Variants in FGD4 observed in about 807,000 individuals in gnomAD.
FGD4 encodes the protein FYVE, RhoGEF and PH domain-containing protein 4.
A neutral mutation model predicts 102.0 loss-of-function variants in FGD4; 42 were observed. The ratio of observed to expected loss-of-function variants is 0.41; its 90% CI spans 0.32 to 0.53. The LOEUF is 0.53. FGD4 is among the 20% of genes least tolerant of loss of function. The pLI is 0.21. For synonymous variants in FGD4, 380 were observed against 375.7 expected, an observed-to-expected ratio of 1.01 and a Z score of -0.13; for missense variants, 902 against 1,078.2, an observed-to-expected ratio of 0.84 and a Z score of 2.29.
chr12:32,470,737 A>T (rs1943395921), intron 1 of FGD4, among the ~76,000 whole-genome samples: 1 of 152,130 alleles, frequency 6.6e-6, no homozygotes, highest in Admixed American at 6.5e-5. Context: ...TACAGGCGTG[A>T]GCCGCTGCGC....
intron 2 of FGD4, chr12:32,574,602 A>G (rs1945982580): frequency 6.6e-6 from 1 of 152,196 alleles, no homozygotes; most frequent in African/African-American, 2.4e-5. Flanking sequence ...CCATTTTTAA[A>G]TTGAGATTTT....
At chr12:32,417,058 G>A (rs1308985807) in intron 1 of FGD4, among the ~76,000 whole-genome samples, 1 of 151,900 alleles carries the variant, frequency 6.6e-6, no homozygotes, top group Non-Finnish European at 1.5e-5. Flanking sequence ...CACCACGTCT[G>A]CTAATTTTTG....
At chr12:32,587,374 GTATTTATTTATT>G (rs149737397) in intron 4 of FGD4, among the ~76,000 whole-genome samples, 1 of 150,468 alleles carries the variant, frequency 6.6e-6, no homozygotes, top group East Asian at 2.0e-4. Context: ...TTTTTATTCT[GTATTTATTTATT>G]TATTTATTTA....
chr12:32,601,126 T>G, intron 5 of FGD4, 152 bp from the exon 6 acceptor site: 1 of 716,080 alleles, frequency 1.4e-6, no homozygotes, highest in Non-Finnish European at 2.3e-6. Context: ...TCAAAGCATA[T>G]ACTCACTCCT....
intron 1 of FGD4, among the ~76,000 whole-genome samples, chr12:32,453,702 CT>C (rs1942873125): frequency 6.6e-6 from 1 of 152,130 alleles, no homozygotes; most frequent in Non-Finnish European, 1.5e-5. Flanking sequence ...CTTTCAAAAA[CT>C]TTTTTCTATA....
chr12:32,468,371 T>A (rs764812375), intron 1 of FGD4, among the ~76,000 whole-genome samples: 4 of 152,132 alleles, frequency 2.6e-5, no homozygotes, highest in African/African-American at 7.2e-5. Context: ...GTTCATTAAT[T>A]AAAAATAGCT....
intron 4 of FGD4, among the ~76,000 whole-genome samples, chr12:32,594,016 G>A (rs1352127292): frequency 6.6e-6 from 1 of 152,160 alleles, no homozygotes; most frequent in African/African-American, 2.4e-5. Flanking sequence ...GAGCATAGAG[G>A]GGGTTGATTA....
At chr12:32,437,348 A>G (rs1031993873) in intron 1 of FGD4, among the ~76,000 whole-genome samples, 12 of 152,210 alleles carry the variant, frequency 7.9e-5, no homozygotes, top group African/African-American at 2.9e-4. Context: ...TGGGACACCC[A>G]TAAAAGAAAG....
At chr12:32,461,939 C>T (rs1943115572) in intron 1 of FGD4, among the ~76,000 whole-genome samples, 1 of 152,012 alleles carries the variant, frequency 6.6e-6, no homozygotes, top group Admixed American at 6.6e-5. Flanking sequence ...CTTGGCCATG[C>T]TGGTCTTGAA....
chr12:32,608,827 A>G (rs537955722), intron 8 of FGD4, among the ~76,000 whole-genome samples: 5 of 152,318 alleles, frequency 3.3e-5, no homozygotes, highest in Admixed American at 3.3e-4. Flanking sequence ...GTTTTCTGTC[A>G]TAAGTGAACC....
At chr12:32,533,237 A>G (rs1021115959) in intron 1 of FGD4, among the ~76,000 whole-genome samples, 2 of 152,150 alleles carry the variant, frequency 1.3e-5, no homozygotes, top group Admixed American at 1.3e-4. Context: ...TGACTTTGAT[A>G]GGGCACTCAG....
chr12:32,564,912 G>T (rs1055654339), intron 2 of FGD4, among the ~76,000 whole-genome samples: 57 of 152,150 alleles, frequency 3.7e-4, no homozygotes, highest in African/African-American at 1.3e-3. Context: ...GAGAAGCACA[G>T]AATTATAGTT....
chr12:32,562,481 A>C (rs1944697146), intron 1 of FGD4, among the ~76,000 whole-genome samples: 1 of 152,160 alleles, frequency 6.6e-6, no homozygotes, highest in African/African-American at 2.4e-5. Flanking sequence ...GCAGGGTCAT[A>C]GGACAATAGT....
At position 32,600,378 on chromosome 12, in the gene FGD4, G is replaced by T. The variant is rs912033611; in HGVS notation, c.1102-900G>T. ...TAACCTAACTATTGGAGCCTCTAAGGACATAATTTTTTGTTCTTTTTGCCT... is the reference window on the plus strand; with the variant it reads ...TAACCTAACTATTGGAGCCTCTAAGTACATAATTTTTTGTTCTTTTTGCCT... On this transcript the variant is annotated intron_variant, in intron 5 of 16. Coordinates refer to ENST00000534526, the MANE Select transcript of FGD4 (RefSeq NM_001370298.3). 9 of 1,035,188 alleles carry T rather than the reference G, an allele frequency of 8.7e-6. No homozygotes were observed. The African/African-American group carries it at 1.2e-4, about 13-fold the overall frequency. The allele number at this position is 1,035,188 out of a possible 1,614,324, so 64.1% of individuals were successfully genotyped here.
At chr12:32,437,556 G>A (rs1942276271) in intron 1 of FGD4, among the ~76,000 whole-genome samples, 1 of 152,194 alleles carries the variant, frequency 6.6e-6, no homozygotes, top group Admixed American at 6.5e-5. Flanking sequence ...ACGGATATCC[G>A]TGGTATTCAT....
Position 32,582,435 on chromosome 12 carries a change from C to A in FGD4, c.979C>A (p.Leu327Met). ...ERENGESPLE[L>M]EQLDQHHEMK... ...GGAAAATGGGGAAAGCCCTCTGGAA[C>A]TGGAGCAGCTGGACCAGCACCATGA... Residue 327 changes from leucine to methionine, a missense_variant, in exon 4 of 17, where the codon CTG (leucine) becomes ATG (methionine). Physicochemically the swap from Leu to Met is conservative, Grantham distance 15 (BLOSUM62 2). This residue lies in a region of FGD4 where 443 missense variants were observed against 459.2 expected (regional missense o/e 0.96). Coordinates refer to ENST00000534526, the MANE Select transcript of FGD4 (RefSeq NM_001370298.3). 6.2e-7 allele frequency: 1 copy of A among 1,612,212 alleles called. No homozygotes were observed. Among genetic ancestry groups the A allele is most frequent in the Non-Finnish European group, 8.5e-7 (1 of 1,180,012 alleles).
Position 32,409,434 on chromosome 12 carries a change from G to A in FGD4, c.166+9475G>A, listed in dbSNP as rs543273804. On this transcript the variant is annotated intron_variant, in intron 1 of 16. Coordinates refer to ENST00000534526, the MANE Select transcript of FGD4 (RefSeq NM_001370298.3). ...CTCCCAAGTAGGTAGGACTACAGGC[G>A]CCTGCCACCACACCTGGTTAATTTT... Among the ~76,000 whole-genome samples the A allele has an allele frequency of 5.9e-5, 9 of 152,016 alleles. No individual in the cohort carries two copies. The Middle Eastern group carries it at 0.01, about 172-fold the overall frequency.
Position 32,610,762 on chromosome 12 carries a change from T to C in FGD4, c.1544-14T>C, listed in dbSNP as rs757795587. On this transcript the variant is annotated splice_polypyrimidine_tract_variant and intron_variant, in intron 8 of 16. Coordinates refer to ENST00000534526, the MANE Select transcript of FGD4 (RefSeq NM_001370298.3). Reference sequence around the variant, plus strand: ...CAAAGCATATTTATTTACTTTTCTTTTTTTCCCATTTAGAATCACTTGAAA... The same window carrying C: ...CAAAGCATATTTATTTACTTTTCTTCTTTTCCCATTTAGAATCACTTGAAA... 1.2e-6 allele frequency: 2 copies of C among 1,609,138 alleles called. No homozygotes were observed. The highest frequency in any genetic ancestry group is 1.1e-5 in the South Asian group (1 of 91,000).
At position 32,575,328 on chromosome 12, in the gene FGD4, T is replaced by A. The variant is rs572574578; in HGVS notation, c.320-938T>A. On this transcript the variant is annotated intron_variant, in intron 2 of 16. Transcript: ENST00000534526. ...CTTCTGGTGAGAGCCTCAGGCTGCT[T>A]CCATTCATGGCAGAAGATAAAGGGT... 7.6e-3 allele frequency among the ~76,000 whole-genome samples: 1,156 copies of A among 152,228 alleles called. 10 individuals carry two copies. The highest frequency in any genetic ancestry group is 0.026 in the African/African-American group (1,093 of 41,524).
Sources: allele counts gnomAD v4.1 joint callset (sites outside exome capture counted in the v4.1 genomes callset), GRCh38; gene constraint gnomAD v4.1.1; regional missense constraint gnomAD v4.1.1; transcripts MANE v1.5; gene names NCBI Gene and HGNC (gene_info 2026-07-23, HGNC 2026-07-21).